TCF7L2: variants seen among roughly 807,000 people sequenced by gnomAD.
TCF7L2 encodes transcription factor 7 like 2, also known as transcription factor 7-like 2.
In TCF7L2, 23 loss-of-function variants were observed where a neutral mutation model predicts 77.9. That is an observed-to-expected ratio of 0.30 (90% CI 0.21 to 0.42). The LOEUF is 0.42. TCF7L2 is among the 10% of genes least tolerant of loss of function. The pLI, the probability that TCF7L2 is intolerant of heterozygous loss-of-function variation, is 1.00. For missense variants in TCF7L2, 654 were observed against 793.1 expected (o/e 0.82, Z 2.11); for synonymous variants, 413 against 340.2 (o/e 1.21, Z -2.36).
chr10:113,005,966 A>G (rs148810742), intron 4 of TCF7L2, among the ~76,000 whole-genome samples: 1 of 152,134 alleles, frequency 6.6e-6, no homozygotes, highest in Non-Finnish European at 1.5e-5. Flanking sequence ...CAGGGGATCC[A>G]CAGAGGTAAG....
intron 5 of TCF7L2, among the ~76,000 whole-genome samples, chr10:113,132,362 T>A (rs889457780): frequency 6.6e-6 from 1 of 152,260 alleles, no homozygotes; most frequent in African/African-American, 2.4e-5. Flanking sequence ...GACCTTTTTA[T>A]GCAGCTGTTC....
chr10:113,087,108 G>A (rs142605280), intron 5 of TCF7L2, among the ~76,000 whole-genome samples: 4 of 152,156 alleles, frequency 2.6e-5, no homozygotes, highest in African/African-American at 4.8e-5. Flanking sequence ...CCCCTGATGC[G>A]CTGTTGGACG....
intron 5 of TCF7L2, among the ~76,000 whole-genome samples, chr10:113,067,214 T>C (rs2057373803): frequency 1.3e-5 from 2 of 152,298 alleles, no homozygotes; most frequent in South Asian, 4.1e-4. Flanking sequence ...TTGAACTAAA[T>C]CCACCAGCTA....
At chr10:113,115,835 G>A (rs1464384485) in intron 5 of TCF7L2, among the ~76,000 whole-genome samples, 1 of 152,064 alleles carries the variant, frequency 6.6e-6, no homozygotes, top group Admixed American at 6.6e-5. Flanking sequence ...GTGTGTGCGT[G>A]TGTCTCTGCT....
chr10:113,146,613 A>C (rs2069463308), intron 8 of TCF7L2, among the ~76,000 whole-genome samples: 1 of 151,874 alleles, frequency 6.6e-6, no homozygotes, highest in Admixed American at 6.6e-5. Flanking sequence ...GTTTTTAAAA[A>C]AGTTTTTGTT....
At chr10:113,028,158 G>A (rs937941179) in intron 4 of TCF7L2, among the ~76,000 whole-genome samples, 3 of 152,204 alleles carry the variant, frequency 2.0e-5, no homozygotes, top group Admixed American at 1.3e-4. Flanking sequence ...CCAACAGGGG[G>A]AACAACTGGG....
At chr10:113,152,851 G>A (rs1230669044) in intron 11 of TCF7L2, among the ~76,000 whole-genome samples, 1 of 152,194 alleles carries the variant, frequency 6.6e-6, no homozygotes, top group Admixed American at 6.5e-5. Flanking sequence ...TAGGTGTGGA[G>A]GAACAGAATT....
chr10:113,062,194 C>T (rs957196731), intron 5 of TCF7L2, among the ~76,000 whole-genome samples: 3 of 152,134 alleles, frequency 2.0e-5, no homozygotes, highest in African/African-American at 7.2e-5. Flanking sequence ...AGTCCTCTAT[C>T]ACCTCTTCCA....
rs2136930055 is a variant in TCF7L2, at chr10:113,143,974, C to T, written c.737C>T (p.Ser246Leu). The change falls in exon 7 of 14, where the codon TCG (serine) becomes TTG (leucine). Residue 246 changes from serine to leucine, a missense_variant. Around this residue, in one of 6 missense-constraint regions of TCF7L2, gnomAD observed 179 missense variants for 270.6 expected, o/e 0.66. Coordinates refer to ENST00000627217, the MANE Select transcript of TCF7L2 (RefSeq NM_001146274.2). Reference sequence around the variant, plus strand: ...GATATATCCCCGTATTACCCACTATCGCCTGGCACCGTAGGACAAATCCCC... The same window carrying T: ...GATATATCCCCGTATTACCCACTATTGCCTGGCACCGTAGGACAAATCCCC... 2 of 1,614,188 alleles carry T rather than the reference C, an allele frequency of 1.2e-6. No homozygotes were observed. The highest frequency in any genetic ancestry group is 8.5e-7 in the Non-Finnish European group (1 of 1,180,030).
chr10:113,153,191 G>A (rs1482662721), intron 11 of TCF7L2, among the ~76,000 whole-genome samples: 2 of 152,234 alleles, frequency 1.3e-5, no homozygotes, highest in African/African-American at 2.4e-5. Context: ...GTGACCCCAC[G>A]ATTCCTCTCC....
chr10:113,020,583 TG>T (rs959383904), intron 4 of TCF7L2, among the ~76,000 whole-genome samples: 2 of 152,234 alleles, frequency 1.3e-5, no homozygotes, highest in African/African-American at 2.4e-5. Context: ...AAGAGGCAGC[TG>T]GGTGCAGAGG....
At chr10:113,035,683 C>T (rs1223681539) in intron 4 of TCF7L2, among the ~76,000 whole-genome samples, 1 of 152,210 alleles carries the variant, frequency 6.6e-6, no homozygotes, top group African/African-American at 2.4e-5. Context: ...AGGCCTGAGC[C>T]GCTGCATCCA....
rs111976428 is a variant in TCF7L2, at chr10:112,983,044, C to T, written c.450+18420C>T. 3.9e-5 allele frequency among the ~76,000 whole-genome samples: 6 copies of T among 152,190 alleles called. 1 individual carries two copies. The highest frequency in any genetic ancestry group is 1.4e-4 in the African/African-American group (6 of 41,514). ...GATGGGACTTATAATTATTATTTAG[C>T]TTCTGATGGGCATGAAATTAGTGAC... On this transcript the variant is annotated intron_variant, in intron 4 of 13. Coordinates refer to ENST00000627217, the MANE Select transcript of TCF7L2 (RefSeq NM_001146274.2).
rs2065082027 is a variant in TCF7L2 at position 113,123,319 on chromosome 10, C to T, written c.553-17865C>T. Among the ~76,000 whole-genome samples the T allele has an allele frequency of 2.0e-5, 3 of 152,224 alleles. No homozygotes were observed. In the South Asian group the frequency reaches 6.2e-4, roughly 32 times the overall value. On this transcript the variant is annotated intron_variant, in intron 5 of 13. Coordinates refer to ENST00000627217, the MANE Select transcript of TCF7L2 (RefSeq NM_001146274.2). ...GGATATATCCATGGCCCTGAAAAGA[C>T]AGGCTCTGGCCAGGAATGGGGAAGC...
intron 4 of TCF7L2, among the ~76,000 whole-genome samples, chr10:113,022,071 T>C (rs2048345004): frequency 6.6e-6 from 1 of 152,246 alleles, no homozygotes; most frequent in Non-Finnish European, 1.5e-5. Context: ...AATCAAGACA[T>C]GGCCTTAGAG....
At chr10:113,068,899 CT>C (rs35683038) in intron 5 of TCF7L2, among the ~76,000 whole-genome samples, 8,644 of 145,074 alleles carry the variant, frequency 0.06, 243 homozygotes, top group Middle Eastern at 0.079. Context: ...GCTCCCAATT[CT>C]TTTTTTTTTT....
chr10:113,082,542 C>T (rs2059417081), intron 5 of TCF7L2, among the ~76,000 whole-genome samples: 1 of 152,148 alleles, frequency 6.6e-6, no homozygotes, highest in Non-Finnish European at 1.5e-5. Context: ...ATTTCTAAAA[C>T]ACTTTTTCTT....
At chr10:113,088,630 C>A (rs565151019) in intron 5 of TCF7L2, among the ~76,000 whole-genome samples, 2 of 152,038 alleles carry the variant, frequency 1.3e-5, no homozygotes, top group African/African-American at 4.8e-5. Flanking sequence ...AAAAGACTGT[C>A]GCCTGGCAGA....
At chr10:113,100,016 C>G (rs889292092) in intron 5 of TCF7L2, among the ~76,000 whole-genome samples, 15 of 152,160 alleles carry the variant, frequency 9.9e-5, no homozygotes, top group South Asian at 4.1e-4. Context: ...CCCTCTACCT[C>G]TCTCTTAGCA....
Sources: gnomAD v4.1 joint callset for allele counts (sites outside exome capture counted in the v4.1 genomes callset) on GRCh38, gnomAD v4.1.1 for gene constraint, gnomAD v4.1.1 regional missense constraint, MANE v1.5 for transcripts, NCBI Gene and HGNC (gene_info 2026-07-23, HGNC 2026-07-21) for gene names.